KPNA6: variants seen among roughly 807,000 people sequenced by gnomAD.
The protein encoded by KPNA6 is importin subunit alpha-7.
In KPNA6, 9 loss-of-function variants were observed where a neutral mutation model predicts 72.0. The ratio of observed to expected loss-of-function variants is 0.13; its 90% confidence interval spans 0.08 to 0.22. KPNA6 has a LOEUF of 0.22. Among genes scored for constraint, KPNA6 ranks in the 10% least tolerant of loss-of-function variants. The pLI is 1.00. For missense variants in KPNA6, 374 were observed against 655.7 expected (o/e 0.57, Z 4.69); for synonymous variants, 219 against 242.1 (o/e 0.90, Z 0.89).
intron 1 of KPNA6, among the ~76,000 whole-genome samples, chr1:32,109,017 C>T (rs1050214891): frequency 6.6e-6 from 1 of 152,174 alleles, no homozygotes; most frequent in African/African-American, 2.4e-5. Flanking sequence ...CTTTACATGT[C>T]TTGTTTTACT....
chr1:32,141,935 T>C (rs368546732), intron 1 of KPNA6, among the ~76,000 whole-genome samples: 17 of 151,620 alleles, frequency 1.1e-4, no homozygotes, highest in African/African-American at 3.9e-4. Flanking sequence ...AACAGAAATG[T>C]ATTTTCTCAC....
rs10128057 is a variant in KPNA6 at position 32,109,305 on chromosome 1, G to T, written c.4+1171G>T. Reference sequence around the variant, plus strand: ...CTGCCTCAGCCTCCCGAGTAGCTGGGATTACAGGCACCCACCACCACGCCC... The same window carrying T: ...CTGCCTCAGCCTCCCGAGTAGCTGGTATTACAGGCACCCACCACCACGCCC... On this transcript the variant is annotated intron_variant, in intron 1 of 13. Transcript: ENST00000373625. 5.4e-3 allele frequency among the ~76,000 whole-genome samples: 826 copies of T among 152,038 alleles called. 11 individuals carry two copies. Among genetic ancestry groups the T allele is most frequent in the African/African-American group, 0.019 (798 of 41,470 alleles).
chr1:32,161,304 CT>C lies in KPNA6; in HGVS notation c.647+603del, dbSNP rs548084004. Among the ~76,000 whole-genome samples, 164 of 152,318 alleles carry C rather than the reference CT, an allele frequency of 1.1e-3. No individual in the cohort carries two copies. In the Middle Eastern group the frequency reaches 0.017, roughly 16 times the overall value. ...ACTAGCCCACCTGGAAAAATCCAAC[CT>C]TCTCTACAAAATGCATTGATTTGTT... On this transcript the variant is annotated intron_variant, in intron 7 of 13. Transcript: ENST00000373625.
chr1:32,131,763 T>C (rs1321943700), intron 1 of KPNA6, among the ~76,000 whole-genome samples: 1 of 151,152 alleles, frequency 6.6e-6, no homozygotes, highest in South Asian at 2.1e-4. Flanking sequence ...CCCACACCTA[T>C]AATTCCAGCA....
Position 32,166,155 on chromosome 1 carries a change from T to C in KPNA6, c.1041T>C (p.Ser347=). 1.2e-6 allele frequency: 2 copies of C among 1,614,118 alleles called. No homozygotes were observed. The highest frequency in any genetic ancestry group is 2.7e-5 in the African/African-American group (2 of 75,014). The change falls in exon 11 of 14, where the codon AGT becomes AGC. Residue 347 remains serine (S), a synonymous_variant. Coordinates refer to ENST00000373625, the MANE Select transcript of KPNA6 (RefSeq NM_012316.5). Reference sequence around the variant, plus strand: ...CTTGCCTTCTCCACTTGTTGAGCAGTCCCAAGGAGTCAATCCGGAAGGAAG... The same window carrying C: ...CTTGCCTTCTCCACTTGTTGAGCAGCCCCAAGGAGTCAATCCGGAAGGAAG... ...ALPCLLHLLS[S]PKESIRKEAC... is the part of the protein sequence containing the mutation.
At chr1:32,114,451 A>AAAATATATAT (rs982175711) in intron 1 of KPNA6, among the ~76,000 whole-genome samples, 3 of 145,522 alleles carry the variant, frequency 2.1e-5, no homozygotes, top group African/African-American at 7.6e-5. Flanking sequence ...CAAAAAAAAA[A>AAAATATATAT]ATATATATAT....
At chr1:32,163,780 G>T (rs568338582) in intron 10 of KPNA6, among the ~76,000 whole-genome samples, 1 of 152,166 alleles carries the variant, frequency 6.6e-6, no homozygotes, top group Non-Finnish European at 1.5e-5. Flanking sequence ...AGAGATTTGG[G>T]TATTCTTTGG....
At chr1:32,160,961 G>A (rs1642227339) in intron 7 of KPNA6, among the ~76,000 whole-genome samples, 1 of 152,146 alleles carries the variant, frequency 6.6e-6, no homozygotes, top group Admixed American at 6.5e-5. Context: ...TTCAAAACCA[G>A]CCTGGGCAAC....
chr1:32,143,340 A>G (rs1192827602), intron 1 of KPNA6, among the ~76,000 whole-genome samples: 2 of 151,358 alleles, frequency 1.3e-5, no homozygotes, highest in Non-Finnish European at 3.0e-5. Flanking sequence ...TGCTGGCAGT[A>G]CAGGCCTGAG....
At chr1:32,160,486 C>T (rs985770161) in intron 6 of KPNA6, 129 bp from the exon 7 acceptor site, 6 of 690,828 alleles carry the variant, frequency 8.7e-6, no homozygotes, top group Non-Finnish European at 1.6e-5. Flanking sequence ...GTTACCTGAG[C>T]TTGTGTAGTA....
chr1:32,132,116 A>G (rs1641649268), intron 1 of KPNA6, among the ~76,000 whole-genome samples: 3 of 151,804 alleles, frequency 2.0e-5, no homozygotes, highest in South Asian at 4.2e-4. Flanking sequence ...GATTACAGGT[A>G]TGCACCACCA....
At chr1:32,142,255 CAAAAA>C (rs763008502) in intron 1 of KPNA6, among the ~76,000 whole-genome samples, 3 of 55,304 alleles carry the variant, frequency 5.4e-5, no homozygotes, top group South Asian at 1.6e-3. Context: ...GACCCTGTCT[CAAAAA>C]AAAAAAAAAA....
At chr1:32,157,988 TC>T in intron 4 of KPNA6, among the ~76,000 whole-genome samples, 1 of 152,216 alleles carries the variant, frequency 6.6e-6, no homozygotes, top group Non-Finnish European at 1.5e-5. Flanking sequence ...TGGTTGTTCA[TC>T]CCTTAGGTGG....
At chr1:32,160,949 A>G (rs1642227185) in intron 7 of KPNA6, among the ~76,000 whole-genome samples, 1 of 152,180 alleles carries the variant, frequency 6.6e-6, no homozygotes, top group South Asian at 2.1e-4. Flanking sequence ...TTGAGCCTAG[A>G]GTTCAAAACC....
chr1:32,163,780 G>A (rs568338582), intron 10 of KPNA6, among the ~76,000 whole-genome samples: 2 of 152,284 alleles, frequency 1.3e-5, no homozygotes, highest in East Asian at 3.9e-4. Context: ...AGAGATTTGG[G>A]TATTCTTTGG....
chr1:32,142,138 C>T (rs1641848657), intron 1 of KPNA6, among the ~76,000 whole-genome samples: 1 of 151,678 alleles, frequency 6.6e-6, no homozygotes, highest in Non-Finnish European at 1.5e-5. Flanking sequence ...CACCTGTAAT[C>T]CCAGCTACTC....
chr1:32,159,521 T>C lies in KPNA6; in HGVS notation c.548T>C (p.Val183Ala). ...IELLNSDFED[V>A]QEQAVWALGN... Reference sequence around the variant, plus strand: ...CTGCTTAATTCAGACTTTGAGGATGTTCAGGAACAGGTAATGCTTAGATTT... The same window carrying C: ...CTGCTTAATTCAGACTTTGAGGATGCTCAGGAACAGGTAATGCTTAGATTT... Residue 183 changes from valine (V) to alanine (A), a missense_variant, in exon 6 of 14, where the codon GTT (valine) becomes GCT (alanine). This residue lies in a region of KPNA6 where 298 missense variants were observed against 495.4 expected (regional missense o/e 0.60). Transcript: ENST00000373625. 6.2e-7 allele frequency: 1 copy of C among 1,613,930 alleles called. No individual in the cohort carries two copies. Among genetic ancestry groups the C allele is most frequent in the Non-Finnish European group, 8.5e-7 (1 of 1,179,884 alleles).
intron 11 of KPNA6, 83 bp from the exon 12 acceptor site, chr1:32,167,086 C>A: frequency 1.3e-6 from 2 of 1,519,528 alleles, no homozygotes; most frequent in Admixed American, 1.8e-5. Context: ...ATGTCTAAGT[C>A]TCAGCTGATT....
At chr1:32,146,399 T>C (rs1028899171) in intron 1 of KPNA6, among the ~76,000 whole-genome samples, 3 of 152,220 alleles carry the variant, frequency 2.0e-5, no homozygotes, top group Admixed American at 6.5e-5. Flanking sequence ...TTGTCAGATA[T>C]TCATGTAGCT....
Sources: gnomAD v4.1 joint callset for allele counts (sites outside exome capture counted in the v4.1 genomes callset) on GRCh38, gnomAD v4.1.1 for gene constraint, gnomAD v4.1.1 regional missense constraint, MANE v1.5 for transcripts, NCBI Gene and HGNC (gene_info 2026-07-23, HGNC 2026-07-21) for gene names.